The following BRSK2 variants were observed in gnomAD, a reference collection of about 807,000 sequenced individuals.
BRSK2 encodes the protein serine/threonine-protein kinase BRSK2.
A neutral mutation model predicts 83.3 loss-of-function variants in BRSK2; 19 were observed. That is an observed-to-expected ratio of 0.23 (90% CI 0.16 to 0.33). The LOEUF is 0.33. BRSK2 is among the 10% of genes least tolerant of loss of function. The probability of loss-of-function intolerance (pLI) is 1.00; values close to 1 mark genes in which losing one functional copy is unlikely to be tolerated. For missense variants in BRSK2, 798 were observed against 1,042.3 expected (o/e 0.77, Z 3.23); for synonymous variants, 519 against 435.4 (o/e 1.19, Z -2.39).
intron 1 of BRSK2, among the ~76,000 whole-genome samples, chr11:1,402,212 G>A (rs1012840761): frequency 3.3e-5 from 5 of 152,326 alleles, no homozygotes; most frequent in South Asian, 4.1e-4. Flanking sequence ...GGTGGGTGTC[G>A]GGGCTCCCCG....
intron 1 of BRSK2, among the ~76,000 whole-genome samples, chr11:1,407,220 C>T (rs957238130): frequency 6.6e-6 from 1 of 152,144 alleles, no homozygotes; most frequent in Non-Finnish European, 1.5e-5. Flanking sequence ...TCCTTCCCAC[C>T]CCTGCCCTCT....
intron 5 of BRSK2, 152 bp downstream of exon 5, chr11:1,442,758 C>T: frequency 1.5e-6 from 1 of 684,948 alleles, no homozygotes; most frequent in Non-Finnish European, 2.5e-6. Context: ...CAGTACCCCA[C>T]AGCCTGGTGG....
intron 18 of BRSK2, chr11:1,456,897 C>T (rs1423374371): frequency 2.6e-5 from 41 of 1,563,390 alleles, no homozygotes; most frequent in Admixed American, 5.2e-5. Context: ...CGCCTCTGCA[C>T]GCCAGGGACA....
chr11:1,420,152 G>A (rs1221269442), intron 1 of BRSK2, among the ~76,000 whole-genome samples: 3 of 152,246 alleles, frequency 2.0e-5, no homozygotes, highest in Non-Finnish European at 4.4e-5. Context: ...ATGCAAGTGT[G>A]CGTGCGTGCA....
At position 1,418,833 on chromosome 11, in the gene BRSK2, C is replaced by T. The variant is rs184897857; in HGVS notation, c.92-17207C>T. Among the ~76,000 whole-genome samples, 9 of 152,388 alleles carry T rather than the reference C, an allele frequency of 5.9e-5. No individual in the cohort carries two copies. The East Asian group carries it at 1.7e-3, about 29-fold the overall frequency. On this transcript the variant is annotated intron_variant, in intron 1 of 19. Transcript: ENST00000528841. ...CAGCCAGATCCAAACAGGACTTCAG[C>T]TGGACTGGGACTGGGGGTCCCTCCA...
chr11:1,452,443 T>C (rs890880827), intron 15 of BRSK2, among the ~76,000 whole-genome samples: 5 of 152,256 alleles, frequency 3.3e-5, no homozygotes, highest in South Asian at 4.1e-4. Context: ...AAAGCTTTCA[T>C]GAACAGACTC....
chr11:1,400,856 C>T (rs868656753), intron 1 of BRSK2, among the ~76,000 whole-genome samples: 2 of 152,238 alleles, frequency 1.3e-5, no homozygotes, highest in Non-Finnish European at 2.9e-5. Flanking sequence ...AGCCATGGCC[C>T]TCCCCAGGCT....
intron 2 of BRSK2, among the ~76,000 whole-genome samples, chr11:1,437,154 A>T (rs987147262): frequency 6.6e-6 from 1 of 152,022 alleles, no homozygotes; most frequent in Non-Finnish European, 1.5e-5. Flanking sequence ...GGAGAGTCCC[A>T]TGCTGAATTT....
intron 12 of BRSK2, chr11:1,447,999 AGCCAGGCAAGGGCCCGCGG>A (rs1316436483): frequency 2.2e-6 from 2 of 909,290 alleles, no homozygotes; most frequent in African/African-American, 3.3e-5. Context: ...CCAGCCAGCA[AGCCAGGCAAGGGCCCGCGG>A]GCCAGGCAGA....
chr11:1,422,113 G>T (rs559872550), intron 1 of BRSK2, among the ~76,000 whole-genome samples: 1 of 152,146 alleles, frequency 6.6e-6, no homozygotes, highest in Non-Finnish European at 1.5e-5. Context: ...ACTGTGTGTC[G>T]GGTGAGAGCC....
chr11:1,424,070 G>A (rs1848926055), intron 1 of BRSK2, among the ~76,000 whole-genome samples: 1 of 152,142 alleles, frequency 6.6e-6, no homozygotes, highest in Non-Finnish European at 1.5e-5. Flanking sequence ...TCCAAGTCGG[G>A]TCACATTCAT....
intron 1 of BRSK2, among the ~76,000 whole-genome samples, chr11:1,413,167 A>G (rs1009862759): frequency 1.3e-5 from 2 of 152,148 alleles, no homozygotes; most frequent in Admixed American, 1.3e-4. Flanking sequence ...GGAGCCAGCC[A>G]GATGTCCAGC....
rs181558647 is a variant in BRSK2 at position 1,453,496 on chromosome 11, G to A, written c.1545-989G>A. The stretch of plus-strand genomic sequence containing the variant: ...GGCATGGGGCTGGGGTAAGGTCAGG[G>A]CCAGTGGTGGCCCTCGGAGTTTTGA... On this transcript the variant is annotated intron_variant, in intron 15 of 19. Coordinates refer to ENST00000528841, the MANE Select transcript of BRSK2 (RefSeq NM_001256627.2). Among the ~76,000 whole-genome samples the A allele has an allele frequency of 3.7e-3, 566 of 152,362 alleles. 3 individuals are homozygous for A. Among genetic ancestry groups the A allele is most frequent in the Non-Finnish European group, 5.7e-3 (391 of 68,038 alleles).
chr11:1,429,530 C>T (rs61868974), intron 1 of BRSK2, among the ~76,000 whole-genome samples: 10,264 of 73,584 alleles, frequency 0.14, 2,125 homozygotes, highest in East Asian at 0.21. Flanking sequence ...CCTGCTGTGC[C>T]CAGCAGTGAG....
intron 1 of BRSK2, among the ~76,000 whole-genome samples, chr11:1,400,767 C>T (rs981380403): frequency 6.6e-5 from 10 of 152,200 alleles, no homozygotes; most frequent in African/African-American, 2.4e-4. Flanking sequence ...CTGGGCCCTG[C>T]GGCCACCCAC....
At chr11:1,449,952 C>G (rs1845602687) in intron 13 of BRSK2, 116 bp downstream of exon 13, 2 of 694,836 alleles carry the variant, frequency 2.9e-6, no homozygotes, top group Admixed American at 4.6e-5. Context: ...CCCAGGCGCC[C>G]CCCATGCCCA....
intron 1 of BRSK2, among the ~76,000 whole-genome samples, chr11:1,413,173 C>T (rs925233957): frequency 6.6e-6 from 1 of 152,178 alleles, no homozygotes; most frequent in Non-Finnish European, 1.5e-5. Flanking sequence ...AGCCAGATGT[C>T]CAGCTGCCAT....
chr11:1,413,267 C>T (rs1171657610), intron 1 of BRSK2, among the ~76,000 whole-genome samples: 1 of 152,136 alleles, frequency 6.6e-6, no homozygotes, highest in Non-Finnish European at 1.5e-5. Context: ...TGTGCCCTGA[C>T]CCCACTGTCC....
intron 1 of BRSK2, chr11:1,410,992 G>A: frequency 2.0e-6 from 2 of 987,510 alleles, no homozygotes; most frequent in African/African-American, 1.7e-5. Context: ...GGGGGCAGGA[G>A]CAGGGGCGGA....
Sources: allele counts gnomAD v4.1 joint callset (sites outside exome capture counted in the v4.1 genomes callset), GRCh38; gene constraint gnomAD v4.1.1; transcripts MANE v1.5; gene names NCBI Gene and HGNC (gene_info 2026-07-23, HGNC 2026-07-21).